RBM12: variants seen among roughly 807,000 people sequenced by gnomAD.
RBM12 encodes RNA binding motif protein 12.
In RBM12, 24 loss-of-function variants were observed where a neutral mutation model predicts 37.2. The observed-to-expected ratio is 0.65, with a 90% CI of 0.47 to 0.91. The LOEUF is 0.91. Among genes scored for constraint, RBM12 ranks in the 40% least tolerant of loss-of-function variants. The probability of loss-of-function intolerance (pLI) is 0.00; values close to 1 mark genes in which losing one functional copy is unlikely to be tolerated. For synonymous variants in RBM12, 420 were observed against 425.2 expected (o/e 0.99, Z 0.15); for missense variants, 1,061 against 1,183.2 (o/e 0.90, Z 1.52).
At chr20:35,657,180 G>C (rs900118030) in intron 2 of RBM12, among the ~76,000 whole-genome samples, 1 of 152,188 alleles carries the variant, frequency 6.6e-6, no homozygotes, top group Non-Finnish European at 1.5e-5. Context: ...AGAAATTTGG[G>C]AAGTGTGGGG....
At chr20:35,658,081 TA>T (rs111472845) in intron 2 of RBM12, among the ~76,000 whole-genome samples, 11,216 of 151,464 alleles carry the variant, frequency 0.074, 510 homozygotes, top group South Asian at 0.18. Flanking sequence ...AATAAAAATT[TA>T]AAAAAAAATT....
At chr20:35,663,587 T>C (rs1251853568) in intron 1 of RBM12, among the ~76,000 whole-genome samples, 1 of 152,224 alleles carries the variant, frequency 6.6e-6, no homozygotes, top group African/African-American at 2.4e-5. Context: ...CTGAGAATCC[T>C]GGAGCCAAGG....
At chr20:35,660,288 T>C (rs934392558) in intron 1 of RBM12, among the ~76,000 whole-genome samples, 4 of 152,186 alleles carry the variant, frequency 2.6e-5, no homozygotes, top group African/African-American at 9.7e-5. Context: ...TTAGGCTCAT[T>C]GCAACCTCCG....
rs764379695 is a variant in RBM12, at chr20:35,654,452, G to T, written c.871C>A (p.Gln291Lys). 6.2e-7 allele frequency: 1 copy of T among 1,614,202 alleles called. No homozygotes were observed. Among genetic ancestry groups the T allele is most frequent in the Non-Finnish European group, 8.5e-7 (1 of 1,180,038 alleles). ...NPVNPIQMNS[Q>K]SSVKPLPINP... is the part of the protein sequence containing the mutation. ...ATGGGGAGTGGCTTCACACTGCTCT[G>T]AGAGTTCATCTGGATAGGGTTAACA... Residue 291 changes from glutamine (Q) to lysine (K), a missense_variant, in exon 3 of 3, where the codon CAG becomes AAG. This residue lies in a region of RBM12 where 540 missense variants were observed against 632.7 expected (regional missense o/e 0.85). Coordinates refer to ENST00000374114, the MANE Select transcript of RBM12 (RefSeq NM_006047.6).
intron 2 of RBM12, 128 bp downstream of exon 2, chr20:35,658,802 A>ACACACACACAC (rs2034058571): frequency 2.2e-6 from 1 of 446,828 alleles, no homozygotes; most frequent in African/African-American, 2.2e-5. Context: ...AGCAAACAAA[A>ACACACACACAC]ACACACACAC....
At chr20:35,662,650 T>C (rs542533011) in intron 1 of RBM12, among the ~76,000 whole-genome samples, 11 of 152,320 alleles carry the variant, frequency 7.2e-5, no homozygotes, top group Admixed American at 5.9e-4. Flanking sequence ...ATTCATACAA[T>C]GACAGAATGG....
rs2033686878 is a variant in RBM12 at position 35,653,487 on chromosome 20, T to C, written c.1836A>G (p.Arg612=). 1.2e-6 allele frequency: 2 copies of C among 1,614,110 alleles called. No individual in the cohort carries two copies. Among genetic ancestry groups the C allele is most frequent in the Non-Finnish European group, 1.7e-6 (2 of 1,180,054 alleles). The part of the protein sequence containing the change: ...ERLHRKKLNG[R]EAFVHVVTLE... ...GGGTAACTACATGAACAAAAGCTTC[T>C]CTCCCATTAAGTTTTTTACGGTGTA... The change falls in exon 3 of 3, where the codon AGA becomes AGG. Residue 612 remains arginine (R), a synonymous_variant. Transcript: ENST00000374114.
chr20:35,654,105 C>T lies in RBM12; in HGVS notation c.1218G>A (p.Gln406=). ...GPSGQTHPPP[Q]TLPRSKSPSG... ...TGGGCGATTTTGACCTGGGAAGTGT[C>T]TGAGGAGGGGGATGAGTTTGTCCAG... The change falls in exon 3 of 3, where the codon CAG becomes CAA. Residue 406 remains glutamine, a synonymous_variant. Transcript: ENST00000374114. 1 of 1,614,186 alleles carries T rather than the reference C, an allele frequency of 6.2e-7. No individual in the cohort carries two copies. The highest frequency in any genetic ancestry group is 1.1e-5 in the South Asian group (1 of 91,078).
In RBM12 at chr20:35,652,939, C is replaced by A. The variant is rs770210216; in HGVS notation, c.2384G>T (p.Gly795Val). The A allele has an allele frequency of 5.6e-6, 9 of 1,613,678 alleles. No individual in the cohort carries two copies. Among genetic ancestry groups the A allele is most frequent in the African/African-American group, 1.3e-5 (1 of 74,942 alleles). ...CGGGGGACCGCCTAAGCTACCAGGG[C>A]CATTTCCAAAATTCTGAGGGCCCCC... is the stretch of plus-strand genomic sequence containing the variant. ...FGGGPQNFGN[G>V]PGSLGGPPGF... The change falls in exon 3 of 3, where the codon GGC becomes GTC. Residue 795 changes from glycine to valine, a missense_variant. By Grantham distance (109) the Gly-to-Val change is moderately radical. Transcript: ENST00000374114.
rs778683315 is a variant in RBM12, at chr20:35,654,762, C to T, written c.561G>A (p.Pro187=). The T allele has an allele frequency of 4.0e-5, 65 of 1,613,684 alleles. No individual in the cohort carries two copies. The East Asian group carries it at 1.3e-3, about 32-fold the overall frequency. The change falls in exon 3 of 3, where the codon CCG becomes CCA. Residue 187 remains proline (P), a synonymous_variant. Transcript: ENST00000374114. ...STASPMNTVP[P]PPIPPIPAMP... ...TCGCTGGAATTGGAGGAATTGGTGG[C>T]GGCGGGACTGTGTTCATTGGAGAGG...
At chr20:35,655,563 A>T (rs2033845470) in intron 2 of RBM12, among the ~76,000 whole-genome samples, 1 of 152,248 alleles carries the variant, frequency 6.6e-6, no homozygotes, top group Non-Finnish European at 1.5e-5. Flanking sequence ...TAATTTTGGA[A>T]ACAGTTCAGT....
chr20:35,650,545 A>G lies in RBM12; in HGVS notation c.*1979T>C, dbSNP rs2033430427. On this transcript the variant is annotated 3_prime_UTR_variant, in exon 3 of 3. Transcript: ENST00000374114. ...AAATGATTACTTAACATTAACTTAA[A>G]TTAAACAGCATATACAAACGTTATA... 1.3e-5 allele frequency: 2 copies of G among 150,532 alleles called. No individual in the cohort carries two copies. Among genetic ancestry groups the G allele is most frequent in the Admixed American group, 1.3e-4 (2 of 15,058 alleles). 9.3% of individuals were successfully genotyped at this position (150,532 alleles called of 1,614,324 possible). A position where few individuals can be genotyped will look rare whatever the true frequency, so the allele number is the denominator to read the frequency against.
In RBM12 at chr20:35,649,107, G is replaced by C. The variant is rs2033325464; in HGVS notation, c.*3417C>G. The C allele has an allele frequency of 6.6e-6, 1 of 152,556 alleles. No homozygotes were observed. The highest frequency in any genetic ancestry group is 6.5e-5 in the Admixed American group (1 of 15,286). 9.5% of individuals were successfully genotyped at this position (152,556 alleles called of 1,614,324 possible). On this transcript the variant is annotated 3_prime_UTR_variant, in exon 3 of 3. Coordinates refer to ENST00000374114, the MANE Select transcript of RBM12 (RefSeq NM_006047.6). Reference sequence around the variant, plus strand: ...TGTTGTGTTTGGTTTCTAAAGTCTGGACTACTATAGAACTGCCAGTAAAAC... The same window carrying C: ...TGTTGTGTTTGGTTTCTAAAGTCTGCACTACTATAGAACTGCCAGTAAAAC...
At chr20:35,658,597 A>G (rs959417952) in intron 2 of RBM12, among the ~76,000 whole-genome samples, 29 of 152,026 alleles carry the variant, frequency 1.9e-4, no homozygotes, top group Non-Finnish European at 3.7e-4. Flanking sequence ...CATCTCTACT[A>G]AAAATACAAA....
rs1208654659 is a variant in RBM12 at position 35,653,663 on chromosome 20, T to C, written c.1660A>G (p.Ser554Gly). The change falls in exon 3 of 3, where the codon AGC becomes GGC. Residue 554 changes from serine (S) to glycine (G), a missense_variant. By Grantham distance (56) the Ser-to-Gly change is moderately conservative (BLOSUM62 0). Transcript: ENST00000374114. ...TGAAGAACATCCATCTTTGTAATGCTGAATGGAATATTTGTTATGTGGGCA... is the reference window on the plus strand; with the variant it reads ...TGAAGAACATCCATCTTTGTAATGCCGAATGGAATATTTGTTATGTGGGCA... ...VCAHITNIPFSITKMDVLQFL... is the reference protein window; with the variant it reads ...VCAHITNIPFGITKMDVLQFL... 4 of 1,614,226 alleles carry C rather than the reference T, an allele frequency of 2.5e-6. No homozygotes were observed. The highest frequency in any genetic ancestry group is 3.4e-6 in the Non-Finnish European group (4 of 1,180,044).
intron 1 of RBM12, among the ~76,000 whole-genome samples, chr20:35,663,679 A>AAGTGCTCAGTAT (rs2034362556): frequency 2.0e-5 from 3 of 152,194 alleles, no homozygotes; most frequent in Admixed American, 2.0e-4. Context: ...TTAGCACTTA[A>AAGTGCTCAGTAT]TACTGAGTAA....
Position 35,654,879 on chromosome 20 carries a change from CTGTA to C in RBM12, c.440_443del (p.Ile147ArgfsTer8), listed in dbSNP as rs1446940615. On this transcript the variant is annotated frameshift_variant, in exon 3 of 3. Coordinates refer to ENST00000374114, the MANE Select transcript of RBM12 (RefSeq NM_006047.6). LOFTEE classifies it high-confidence loss of function. ...TTCCTACGCTGGCTGTGGAAAATGT[CTGTA>C]TGTTTTTGTTGCTTTCATGAACAGA... 6.2e-7 allele frequency: 1 copy of C among 1,613,972 alleles called. No homozygotes were observed. Among genetic ancestry groups the C allele is most frequent in the Non-Finnish European group, 8.5e-7 (1 of 1,179,994 alleles).
Position 35,654,758 on chromosome 20 carries a change from G to C in RBM12, c.565C>G (p.Pro189Ala). 1.2e-6 allele frequency: 2 copies of C among 1,613,906 alleles called. No homozygotes were observed. The highest frequency in any genetic ancestry group is 1.7e-6 in the Non-Finnish European group (2 of 1,179,764). The change falls in exon 3 of 3, where the codon CCA (proline) becomes GCA (alanine). Residue 189 changes from proline (P) to alanine (A), a missense_variant. By Grantham distance (27) the Pro-to-Ala change is conservative (BLOSUM62 -1). This residue lies in a region of RBM12 where 540 missense variants were observed against 632.7 expected (regional missense o/e 0.85). Coordinates refer to ENST00000374114, the MANE Select transcript of RBM12 (RefSeq NM_006047.6). ...GGCATCGCTGGAATTGGAGGAATTG[G>C]TGGCGGCGGGACTGTGTTCATTGGA... The part of the protein sequence containing the change: ...ASPMNTVPPP[P>A]IPPIPAMPSL...
rs778007118 is a variant in RBM12 at position 35,653,727 on chromosome 20, T to A, written c.1596A>T (p.Ile532=). ...QNFSYDQREM[I]LNPEGDVNSA... ...AGTTGACATCCCCCTCTGGATTTAG[T>A]ATCATTTCCCTCTGGTCATAGCTGA... Residue 532 remains isoleucine, a synonymous_variant, in exon 3 of 3, where the codon ATA becomes ATT. Transcript: ENST00000374114. The A allele has an allele frequency of 6.2e-7, 1 of 1,614,216 alleles. No individual in the cohort carries two copies. Among genetic ancestry groups the A allele is most frequent in the Non-Finnish European group, 8.5e-7 (1 of 1,180,042 alleles).
Sources: allele counts gnomAD v4.1 joint callset (sites outside exome capture counted in the v4.1 genomes callset), GRCh38; gene constraint gnomAD v4.1.1; regional missense constraint gnomAD v4.1.1; transcripts MANE v1.5; gene names NCBI Gene and HGNC (gene_info 2026-07-23, HGNC 2026-07-21).